P2RY12: variants seen among roughly 807,000 people sequenced by gnomAD.
P2RY12 encodes the protein P2Y purinoceptor 12.
P2RY12 carries 3 observed loss-of-function variants against 4.5 expected under a neutral mutation model. That is an observed-to-expected ratio of 0.67 (90% CI 0.31 to 1.74). The LOEUF (loss-of-function observed/expected upper bound fraction) is 1.74, where lower values mean the gene tolerates loss of function less well. P2RY12 is among the 40% of genes most tolerant of loss of function. The pLI, the probability that P2RY12 is intolerant of heterozygous loss-of-function variation, is 0.09. For synonymous variants in P2RY12, 148 were observed against 154.1 expected (o/e 0.96, Z 0.29); for missense variants, 356 against 407.8 (o/e 0.87, Z 1.09).
intron 1 of P2RY12, chr3:151,355,864 GT>G (rs1560069278): frequency 1.3e-6 from 2 of 1,555,756 alleles, no homozygotes; most frequent in Non-Finnish European, 1.8e-6. Flanking sequence ...TAGAATATTG[GT>G]CTTACAATAT....
intron 1 of P2RY12, among the ~76,000 whole-genome samples, chr3:151,364,077 T>C (rs945558028): frequency 3.3e-5 from 5 of 152,152 alleles, no homozygotes; most frequent in African/African-American, 1.2e-4. Context: ...TAAAACAGAC[T>C]TTCTGATGCA....
chr3:151,376,929 A>G (rs1756924390), intron 1 of P2RY12: 1 of 1,610,658 alleles, frequency 6.2e-7, no homozygotes, highest in Admixed American at 1.7e-5. Context: ...AAGCAAAAAC[A>G]CGTTGATGTT....
intron 1 of P2RY12, among the ~76,000 whole-genome samples, chr3:151,362,715 G>GA (rs199597803): frequency 1.1e-3 from 163 of 150,728 alleles, no homozygotes; most frequent in African/African-American, 3.4e-3. Flanking sequence ...AGTAGGCACT[G>GA]AAAAAAAAAT....
At chr3:151,350,730 C>T (rs115108828) in intron 1 of P2RY12, among the ~76,000 whole-genome samples, 35 of 152,148 alleles carry the variant, frequency 2.3e-4, no homozygotes, top group Non-Finnish European at 4.4e-4. Flanking sequence ...CTACCTATAT[C>T]TCCAAATGAT....
intron 1 of P2RY12, chr3:151,365,273 T>G: frequency 7.5e-7 from 1 of 1,327,694 alleles, no homozygotes; most frequent in Non-Finnish European, 1.1e-6. Flanking sequence ...TCTTTGAAAT[T>G]GATGTCGTTA....
At chr3:151,354,572 C>T (rs995249987) in intron 1 of P2RY12, among the ~76,000 whole-genome samples, 2 of 152,112 alleles carry the variant, frequency 1.3e-5, no homozygotes, top group Non-Finnish European at 2.9e-5. Context: ...ATCTCCCCAC[C>T]TTCATTGTGG....
chr3:151,372,902 T>G, intron 1 of P2RY12: 1 of 629,926 alleles, frequency 1.6e-6, no homozygotes, highest in East Asian at 2.8e-5. Context: ...ATTTTAAGTT[T>G]GCTGAAAAGT....
In P2RY12 at chr3:151,337,913, A is replaced by G. The variant is rs1315181136; in HGVS notation, c.933T>C (p.Ser311=). ...LCKSFRNSLI[S]MLKCPNSATS... Reference sequence around the variant, plus strand: ...TTGCAGAATTGGGGCACTTCAGCATACTTATCAAGGAATTTCTGAAGGACT... The same window carrying G: ...TTGCAGAATTGGGGCACTTCAGCATGCTTATCAAGGAATTTCTGAAGGACT... Residue 311 remains serine, a synonymous_variant, in exon 3 of 3, where the codon AGT becomes AGC. Coordinates refer to ENST00000302632, the MANE Select transcript of P2RY12 (RefSeq NM_022788.5). The G allele has an allele frequency of 5.6e-6, 9 of 1,613,944 alleles. No individual in the cohort carries two copies. The East Asian group carries it at 2.0e-4, about 36-fold the overall frequency.
intron 1 of P2RY12, among the ~76,000 whole-genome samples, chr3:151,359,003 G>A (rs762614644): frequency 7.9e-5 from 12 of 152,072 alleles, no homozygotes; most frequent in Non-Finnish European, 1.5e-4. Context: ...TTGGTGCTGA[G>A]GTTTCAGGTT....
At chr3:151,381,182 C>G (rs1323552765) in intron 1 of P2RY12, among the ~76,000 whole-genome samples, 1 of 152,120 alleles carries the variant, frequency 6.6e-6, no homozygotes, top group Non-Finnish European at 1.5e-5. Context: ...GCCTAATTGA[C>G]CCCTTCTTGT....
At chr3:151,377,650 TA>T (rs1178015681) in intron 1 of P2RY12, among the ~76,000 whole-genome samples, 2 of 152,218 alleles carry the variant, frequency 1.3e-5, no homozygotes, top group African/African-American at 4.8e-5. Context: ...CCTTAAAAAT[TA>T]GCTATTAGTA....
In P2RY12 at chr3:151,377,398, A is replaced by T. The variant is rs1413944625; in HGVS notation, c.-180+7294T>A. On this transcript the variant is annotated intron_variant, in intron 1 of 2. Coordinates refer to ENST00000302632, the MANE Select transcript of P2RY12 (RefSeq NM_022788.5). ...CTTAAACACCTTGAAACTGCAGGTG[A>T]ACTCAGGTTTGGTTCATGCTTTCAG... is the stretch of plus-strand genomic sequence containing the variant. Among the ~76,000 whole-genome samples the T allele has an allele frequency of 2.0e-5, 3 of 152,206 alleles. No homozygotes were observed. In the East Asian group the frequency reaches 5.8e-4, roughly 29 times the overall value.
chr3:151,356,481 T>C (rs1753936740), intron 1 of P2RY12, among the ~76,000 whole-genome samples: 1 of 152,184 alleles, frequency 6.6e-6, no homozygotes. Context: ...TAGTACAATT[T>C]TGAATAATTT....
At chr3:151,372,701 A>G in intron 1 of P2RY12, 1 of 1,613,950 alleles carries the variant, frequency 6.2e-7, no homozygotes, top group South Asian at 1.1e-5. Flanking sequence ...TGGGAAAAGC[A>G]TTTCCATAGA....
intron 1 of P2RY12, among the ~76,000 whole-genome samples, chr3:151,376,525 T>G (rs1387105793): frequency 6.6e-6 from 1 of 152,224 alleles, no homozygotes; most frequent in African/African-American, 2.4e-5. Flanking sequence ...TTGGGATTGG[T>G]TAAATAGATT....
At chr3:151,368,673 TC>T (rs1162106222) in intron 1 of P2RY12, among the ~76,000 whole-genome samples, 1 of 76,746 alleles carries the variant, frequency 1.3e-5, no homozygotes, top group Non-Finnish European at 2.6e-5. Context: ...TCATTTCATT[TC>T]ATGTCATTTC....
chr3:151,382,565 A>G lies in P2RY12; in HGVS notation c.-180+2127T>C, dbSNP rs144767797. On this transcript the variant is annotated intron_variant, in intron 1 of 2. Coordinates refer to ENST00000302632, the MANE Select transcript of P2RY12 (RefSeq NM_022788.5). ...TGTTTGTTAATTTGTTAAAGATAAGAAGTGGTTTTTTGCTATCAGTATAAA... is the reference window on the plus strand; with the variant it reads ...TGTTTGTTAATTTGTTAAAGATAAGGAGTGGTTTTTTGCTATCAGTATAAA... 782 of 699,654 alleles carry G rather than the reference A, an allele frequency of 1.1e-3. 3 individuals carry two copies. In the African/African-American group the frequency reaches 0.014, roughly 12 times the overall value. The allele number at this position is 699,654 out of a possible 1,614,324, so 43.3% of individuals were successfully genotyped here. A position where few individuals can be genotyped will look rare whatever the true frequency, so the allele number is the denominator to read the frequency against.
chr3:151,366,375 A>C (rs958352916), intron 1 of P2RY12, among the ~76,000 whole-genome samples: 5 of 152,206 alleles, frequency 3.3e-5, no homozygotes, highest in Admixed American at 1.3e-4. Flanking sequence ...GAAGAAGGCC[A>C]CTTTGATATT....
intron 1 of P2RY12, chr3:151,382,548 A>G: frequency 5.0e-6 from 3 of 594,638 alleles, no homozygotes; most frequent in South Asian, 6.3e-5. Flanking sequence ...TTTGTTTGTT[A>G]ATTTGTTAAA....
Sources: gnomAD v4.1 joint callset for allele counts (sites outside exome capture counted in the v4.1 genomes callset) on GRCh38, gnomAD v4.1.1 for gene constraint, MANE v1.5 for transcripts, NCBI Gene and HGNC (gene_info 2026-07-23, HGNC 2026-07-21) for gene names.